TRPM3: variants seen among roughly 807,000 people sequenced by gnomAD.
The protein encoded by TRPM3 is long transient receptor potential channel 3.
A neutral mutation model predicts 181.2 loss-of-function variants in TRPM3; 77 were observed. The observed-to-expected ratio is 0.42, with a 90% CI of 0.35 to 0.51. The LOEUF (loss-of-function observed/expected upper bound fraction) is 0.51, where lower values mean the gene tolerates loss of function less well. Ranked by LOEUF, TRPM3 falls within the 20% of genes least tolerant of loss-of-function variation. The pLI is 0.01. For missense variants in TRPM3, 1,759 were observed against 2,196.7 expected, an observed-to-expected ratio of 0.80 and a Z score of 3.98; for synonymous variants, 745 against 796.4, an observed-to-expected ratio of 0.94 and a Z score of 1.09.
At chr9:70,803,678 C>T (rs1377380971) in intron 6 of TRPM3, among the ~76,000 whole-genome samples, 1 of 151,892 alleles carries the variant, frequency 6.6e-6, no homozygotes, top group Non-Finnish European at 1.5e-5. Context: ...TCTCGATCTC[C>T]TGACCTCGTG....
chr9:71,323,039 A>G (rs903523232), intron 1 of TRPM3, among the ~76,000 whole-genome samples: 4 of 152,146 alleles, frequency 2.6e-5, no homozygotes, highest in Non-Finnish European at 4.4e-5. Flanking sequence ...TACATTCTAA[A>G]TGTCAAGACT....
intron 1 of TRPM3, among the ~76,000 whole-genome samples, chr9:71,032,109 A>AC (rs1428084899): frequency 8.9e-4 from 80 of 89,610 alleles, no homozygotes; most frequent in Non-Finnish European, 1.4e-3. Context: ...TATTATATAT[A>AC]TTATATTATA....
chr9:70,877,475 T>G (rs184826276), intron 1 of TRPM3, among the ~76,000 whole-genome samples: 332 of 152,136 alleles, frequency 2.2e-3, no homozygotes, highest in African/African-American at 7.5e-3. Flanking sequence ...TAAATTTTTG[T>G]AAGTAGCAAT....
intron 22 of TRPM3, among the ~76,000 whole-genome samples, chr9:70,589,818 A>G (rs1043339221): frequency 6.6e-6 from 1 of 152,238 alleles, no homozygotes; most frequent in Non-Finnish European, 1.5e-5. Flanking sequence ...ATCGTGGAAG[A>G]ATAAATGACG....
chr9:70,615,268 C>A (rs2062607833), intron 18 of TRPM3, among the ~76,000 whole-genome samples: 2 of 152,168 alleles, frequency 1.3e-5, no homozygotes, highest in African/African-American at 4.8e-5. Flanking sequence ...CCTTGTTTGT[C>A]CCTTTAACAG....
chr9:70,845,108 C>T (rs752200711), intron 4 of TRPM3, among the ~76,000 whole-genome samples: 3 of 151,974 alleles, frequency 2.0e-5, no homozygotes, highest in Non-Finnish European at 4.4e-5. Context: ...CAGACTTCAT[C>T]GCTGAAATAT....
chr9:70,588,571 TACACCCACAGGATGGG>T (rs1182650279), intron 22 of TRPM3, among the ~76,000 whole-genome samples: 1 of 151,820 alleles, frequency 6.6e-6, no homozygotes, highest in African/African-American at 2.4e-5. Flanking sequence ...CCGCACGGGG[TACACCCACAGGATGGG>T]ACTGGAGACC....
intron 25 of TRPM3, among the ~76,000 whole-genome samples, chr9:70,540,085 G>A (rs59077971): frequency 3.3e-5 from 5 of 152,060 alleles, no homozygotes; most frequent in African/African-American, 9.7e-5. Context: ...CAATCCTCCC[G>A]CCTCGGCCTC....
chr9:71,242,989 C>T (rs917527185), intron 1 of TRPM3, among the ~76,000 whole-genome samples: 70 of 152,200 alleles, frequency 4.6e-4, no homozygotes, highest in African/African-American at 1.5e-3. Context: ...TCCCCAGTGC[C>T]GCTTAGCTCA....
intron 1 of TRPM3, among the ~76,000 whole-genome samples, chr9:71,221,062 C>T (rs1429905037): frequency 1.3e-5 from 2 of 152,168 alleles, no homozygotes; most frequent in Non-Finnish European, 2.9e-5. Flanking sequence ...GAAAATGACT[C>T]ATGCAGAAAG....
chr9:70,990,733 T>C (rs1052317549), intron 1 of TRPM3, among the ~76,000 whole-genome samples: 2 of 152,118 alleles, frequency 1.3e-5, no homozygotes, highest in African/African-American at 4.8e-5. Flanking sequence ...AATAAAGGCA[T>C]AAAATGCACA....
At chr9:70,781,054 G>GAT (rs2082335436) in intron 7 of TRPM3, among the ~76,000 whole-genome samples, 1 of 152,022 alleles carries the variant, frequency 6.6e-6, no homozygotes, top group Non-Finnish European at 1.5e-5. Context: ...GGCTGAGCGT[G>GAT]GTGGCTCACA....
intron 1 of TRPM3, among the ~76,000 whole-genome samples, chr9:71,112,472 T>TA (rs945588273): frequency 6.6e-6 from 1 of 152,194 alleles, no homozygotes; most frequent in Non-Finnish European, 1.5e-5. Flanking sequence ...ATCGATGAAC[T>TA]AAATCATCTC....
chr9:71,290,666 G>A (rs13295758), intron 1 of TRPM3, among the ~76,000 whole-genome samples: 5,061 of 152,014 alleles, frequency 0.033, 114 homozygotes, highest in South Asian at 0.11. Flanking sequence ...AAATAAAACA[G>A]GTCTCATTTA....
chr9:71,198,345 G>C (rs1037276853), intron 1 of TRPM3, among the ~76,000 whole-genome samples: 1 of 151,926 alleles, frequency 6.6e-6, no homozygotes, highest in Non-Finnish European at 1.5e-5. Context: ...GGAATGACTT[G>C]GTGATGCGGG....
chr9:70,575,864 C>T (rs2053792313), intron 22 of TRPM3, among the ~76,000 whole-genome samples: 1 of 152,180 alleles, frequency 6.6e-6, no homozygotes, highest in Admixed American at 6.5e-5. Context: ...AGTTCTCTAC[C>T]CACACCAGGC....
At chr9:70,954,225 G>A (rs71507017) in intron 1 of TRPM3, among the ~76,000 whole-genome samples, 10,361 of 152,180 alleles carry the variant, frequency 0.068, 391 homozygotes, top group South Asian at 0.082. Flanking sequence ...TTCCTTCCCT[G>A]TTCAGGACAA....
At chr9:71,168,647 T>A (rs1471452036) in intron 1 of TRPM3, among the ~76,000 whole-genome samples, 5 of 144,892 alleles carry the variant, frequency 3.5e-5, no homozygotes, top group East Asian at 2.3e-4. Context: ...TTTTATTTTT[T>A]TTTTTATTAT....
At chr9:70,969,907 T>TCA (rs1360350294) in intron 1 of TRPM3, among the ~76,000 whole-genome samples, 5 of 151,950 alleles carry the variant, frequency 3.3e-5, no homozygotes, top group African/African-American at 1.2e-4. Context: ...GGTCATACAG[T>TCA]CAGTATGTGG....
Sources: gnomAD v4.1 joint callset for allele counts (sites outside exome capture counted in the v4.1 genomes callset) on GRCh38, gnomAD v4.1.1 for gene constraint, MANE v1.5 for transcripts, NCBI Gene and HGNC (gene_info 2026-07-23, HGNC 2026-07-21) for gene names.